Variants in COL19A1 observed in about 807,000 individuals in gnomAD.
The protein encoded by COL19A1 is collagen type XIX alpha 1 chain.
Under a neutral mutation model 190.2 loss-of-function variants are expected in COL19A1, and 159 were observed. The observed-to-expected ratio is 0.84, with a 90% CI of 0.73 to 0.95. The LOEUF is 0.95. COL19A1 is among the 40% of genes least tolerant of loss of function. COL19A1 has a pLI of 0.00. For synonymous variants in COL19A1, 509 were observed against 458.9 expected, an observed-to-expected ratio of 1.11 and a Z score of -1.39; for missense variants, 1,418 against 1,431.9, an observed-to-expected ratio of 0.99 and a Z score of 0.16.
chr6:69,910,242 TATA>T (rs965591433), intron 4 of COL19A1, among the ~76,000 whole-genome samples: 4 of 152,182 alleles, frequency 2.6e-5, no homozygotes, highest in African/African-American at 4.8e-5. Flanking sequence ...TAATGATTCT[TATA>T]ATACCACCTT....
At chr6:69,980,158 G>C (rs906906130) in intron 11 of COL19A1, among the ~76,000 whole-genome samples, 4 of 151,942 alleles carry the variant, frequency 2.6e-5, no homozygotes, top group Non-Finnish European at 5.9e-5. Flanking sequence ...GGGTGAACTT[G>C]CTTTACCAGA....
Position 70,188,116 on chromosome 6 carries a change from A to G in COL19A1, c.2898A>G (p.Glu966=). ...GIPGDRGSQG[E]RGKPGLTGMK... ...CAGGAGACAGAGGCTCACAAGGTGA[A>G]CGGGGAAAACCAGGCCTTACAGGCA... The change falls in exon 47 of 51, where the codon GAA becomes GAG. Residue 966 remains glutamate (E), a synonymous_variant. Transcript: ENST00000620364. 1 of 1,613,840 alleles carries G rather than the reference A, an allele frequency of 6.2e-7. No individual in the cohort carries two copies. The highest frequency in any genetic ancestry group is 1.1e-5 in the South Asian group (1 of 90,930).
In COL19A1 at chr6:70,142,044, C is replaced by A. The variant is rs1425091151; in HGVS notation, c.1540C>A (p.Pro514Thr). ...GVKGEPGDPG[P>T]PGLIGSPGLK... ...TTAGGGTGAACCTGGAGATCCCGGACCCCCTGGTTTAATAGGAAGCCCAGG... is the reference window on the plus strand; with the variant it reads ...TTAGGGTGAACCTGGAGATCCCGGAACCCCTGGTTTAATAGGAAGCCCAGG... The change falls in exon 22 of 51, where the codon CCC (proline) becomes ACC (threonine). Residue 514 changes from proline to threonine, a missense_variant. Physicochemically the swap from Pro to Thr is conservative, Grantham distance 38. Transcript: ENST00000620364. The A allele has an allele frequency of 1.2e-6, 2 of 1,612,142 alleles. No homozygotes were observed. The highest frequency in any genetic ancestry group is 2.2e-5 in the East Asian group (1 of 44,788).
chr6:70,206,842 G>C (rs1767894506), intron 49 of COL19A1, 59 bp from the exon 50 acceptor site: 4 of 1,446,272 alleles, frequency 2.8e-6, no homozygotes, highest in Non-Finnish European at 3.8e-6. Flanking sequence ...GTTCTTCTCT[G>C]TGCTGTGTTG....
intron 48 of COL19A1, among the ~76,000 whole-genome samples, chr6:70,192,481 TTC>T (rs35629398): frequency 6.6e-6 from 1 of 150,874 alleles, no homozygotes; most frequent in East Asian, 1.9e-4. Flanking sequence ...CTTTCTTTAT[TTC>T]TCTCTCTCTC....
chr6:70,095,410 TATATAAAA>T (rs1783188906), intron 15 of COL19A1, among the ~76,000 whole-genome samples: 1 of 152,188 alleles, frequency 6.6e-6, no homozygotes, highest in African/African-American at 2.4e-5. Flanking sequence ...CTAACATTTT[TATATAAAA>T]ATGGAGAATT....
At chr6:70,193,169 G>A (rs1441711573) in intron 48 of COL19A1, among the ~76,000 whole-genome samples, 1 of 151,988 alleles carries the variant, frequency 6.6e-6, no homozygotes, top group Non-Finnish European at 1.5e-5. Flanking sequence ...GACACTGGAT[G>A]AAGGTGTGGC....
At chr6:69,925,512 G>A (rs1339272282) in intron 4 of COL19A1, among the ~76,000 whole-genome samples, 7 of 152,160 alleles carry the variant, frequency 4.6e-5, no homozygotes, top group Non-Finnish European at 1.0e-4. Context: ...TTTGAAGTCA[G>A]GTAGTGTGAT....
intron 18 of COL19A1, among the ~76,000 whole-genome samples, chr6:70,137,383 A>G (rs1272034946): frequency 1.4e-4 from 21 of 152,214 alleles, no homozygotes; most frequent in East Asian, 1.9e-4. Context: ...GAACAAAATT[A>G]TAATTTTTCT....
At chr6:69,884,339 C>CAAAAAAAAAAAAAAAATAAAAAA (rs201679191) in intron 2 of COL19A1, among the ~76,000 whole-genome samples, 1 of 77,964 alleles carries the variant, frequency 1.3e-5, no homozygotes. Flanking sequence ...GACTTTGTCT[C>CAAAAAAAAAAAAAAAATAAAAAA]AAAAAAAAAA....
chr6:70,132,065 A>G (rs1785558457), intron 18 of COL19A1, among the ~76,000 whole-genome samples: 1 of 152,176 alleles, frequency 6.6e-6, no homozygotes, highest in African/African-American at 2.4e-5. Flanking sequence ...AAAAACTTTT[A>G]AAAAGCGTGA....
intron 41 of COL19A1, among the ~76,000 whole-genome samples, chr6:70,176,282 C>G (rs1219232009): frequency 6.6e-6 from 1 of 152,128 alleles, no homozygotes; most frequent in Admixed American, 6.5e-5. Flanking sequence ...TTCATTAAAA[C>G]TATTATTTAC....
At chr6:70,190,509 T>C in intron 48 of COL19A1, 128 bp downstream of exon 48, 1 of 635,666 alleles carries the variant, frequency 1.6e-6, no homozygotes, top group Non-Finnish European at 2.8e-6. Flanking sequence ...GCAGCCCATT[T>C]TATGATGGGA....
At chr6:69,875,433 G>C (rs1768076024) in intron 1 of COL19A1, among the ~76,000 whole-genome samples, 1 of 152,188 alleles carries the variant, frequency 6.6e-6, no homozygotes. Context: ...CTGCTATGTA[G>C]AGAATAACTG....
chr6:70,070,306 C>G (rs1781471932), intron 15 of COL19A1, among the ~76,000 whole-genome samples: 1 of 151,996 alleles, frequency 6.6e-6, no homozygotes, highest in African/African-American at 2.4e-5. Flanking sequence ...AGAAGGAAAT[C>G]AGTTAAATTG....
intron 5 of COL19A1, 58 bp downstream of exon 5, chr6:69,928,090 A>G: frequency 6.3e-7 from 1 of 1,584,208 alleles, no homozygotes; most frequent in Non-Finnish European, 8.6e-7. Flanking sequence ...AGCCAGGTGA[A>G]TTATTTGAAC....
rs139595991 is a variant in COL19A1, at chr6:69,935,834, T to C, written c.748-951T>C. On this transcript the variant is annotated intron_variant, in intron 7 of 50. Transcript: ENST00000620364. ...CCTGCACAGATCATCAAAATGAATTTTTGTTACAAAACTTATCTATGTTTA... is the reference window on the plus strand; with the variant it reads ...CCTGCACAGATCATCAAAATGAATTCTTGTTACAAAACTTATCTATGTTTA... Among the ~76,000 whole-genome samples the C allele has an allele frequency of 2.6e-3, 389 of 152,212 alleles. 3 individuals carry two copies. Among genetic ancestry groups the C allele is most frequent in the Non-Finnish European group, 3.7e-3 (249 of 67,984 alleles).
intron 15 of COL19A1, among the ~76,000 whole-genome samples, chr6:70,077,462 CT>C (rs1008598006): frequency 2.0e-5 from 3 of 151,984 alleles, no homozygotes; most frequent in African/African-American, 4.8e-5. Flanking sequence ...TTTACTTGGA[CT>C]TTTTTTGTGT....
In COL19A1 at chr6:70,032,303, G is replaced by A. The variant is rs1272618202; in HGVS notation, c.1081-1942G>A. ...CAAGATTCTTGCTATAACTGAGCTGGGAAGACCAAAGACAGGATGGGGGCC... is the reference window on the plus strand; with the variant it reads ...CAAGATTCTTGCTATAACTGAGCTGAGAAGACCAAAGACAGGATGGGGGCC... On this transcript the variant is annotated intron_variant, in intron 12 of 50. Transcript: ENST00000620364. Among the ~76,000 whole-genome samples the A allele has an allele frequency of 2.0e-5, 3 of 152,126 alleles. No individual in the cohort carries two copies. In the East Asian group the frequency reaches 5.8e-4, roughly 29 times the overall value.
Sources: allele counts gnomAD v4.1 joint callset (sites outside exome capture counted in the v4.1 genomes callset), GRCh38; gene constraint gnomAD v4.1.1; transcripts MANE v1.5; gene names NCBI Gene and HGNC (gene_info 2026-07-23, HGNC 2026-07-21).